HAO2: variants seen among roughly 807,000 people sequenced by gnomAD.
HAO2 encodes the protein 2-Hydroxyacid oxidase 2.
HAO2 carries 42 observed loss-of-function variants against 37.4 expected under a neutral mutation model. The ratio of observed to expected loss-of-function variants is 1.12; its 90% CI spans 0.88 to 1.45. The LOEUF (loss-of-function observed/expected upper bound fraction) is 1.45, where lower values mean the gene tolerates loss of function less well. Among genes scored for constraint, HAO2 ranks in the 40% most tolerant of loss-of-function variants. HAO2 has a pLI of 0.00. For synonymous variants in HAO2, 180 were observed against 162.8 expected (o/e 1.11, Z -0.81); for missense variants, 476 against 430.2 (o/e 1.11, Z -0.94).
intron 5 of HAO2, among the ~76,000 whole-genome samples, chr1:119,388,113 T>C (rs587640123): frequency 6.6e-6 from 1 of 152,256 alleles, no homozygotes; most frequent in South Asian, 2.1e-4. Flanking sequence ...GAGAAAGTGG[T>C]TGGGCTGAGC....
chr1:119,381,279 C>T, intron 2 of HAO2, 63 bp downstream of exon 2: 1 of 1,155,896 alleles, frequency 8.7e-7, no homozygotes, highest in Non-Finnish European at 1.3e-6. Flanking sequence ...GCAACTTGGA[C>T]AGTAGTAGTC....
chr1:119,382,550 T>C (rs1184418288), intron 2 of HAO2, among the ~76,000 whole-genome samples: 1 of 152,178 alleles, frequency 6.6e-6, no homozygotes, highest in Non-Finnish European at 1.5e-5. Flanking sequence ...CCTATTCTTT[T>C]CTTTTTAGTC....
intron 1 of HAO2, among the ~76,000 whole-genome samples, chr1:119,369,536 T>C (rs1648794646): frequency 2.0e-5 from 3 of 152,136 alleles, no homozygotes; most frequent in African/African-American, 7.2e-5. Flanking sequence ...GAATAAAGCG[T>C]CCATTAGCAG....
At chr1:119,376,127 TACC>T (rs1336592531) in intron 1 of HAO2, among the ~76,000 whole-genome samples, 13 of 152,184 alleles carry the variant, frequency 8.5e-5, no homozygotes, top group African/African-American at 2.9e-4. Context: ...AAGTCCCTTC[TACC>T]TATGAGCCTG....
intron 1 of HAO2, among the ~76,000 whole-genome samples, chr1:119,373,053 C>G (rs587656796): frequency 6.6e-6 from 1 of 152,132 alleles, no homozygotes; most frequent in Non-Finnish European, 1.5e-5. Flanking sequence ...AGACTTGGAG[C>G]GAAGACATGT....
chr1:119,380,499 C>A, intron 1 of HAO2: 1 of 524,604 alleles, frequency 1.9e-6, no homozygotes, highest in Admixed American at 3.6e-5. Flanking sequence ...CTCTGTAATC[C>A]ACAGCTCCAG....
At position 119,380,928 on chromosome 1, in the gene HAO2, T is replaced by C. The variant is rs1649874524; in HGVS notation, c.-8-150T>C. The C allele has an allele frequency of 2.2e-5, 17 of 762,364 alleles. No homozygotes were observed. In the South Asian group the frequency reaches 2.9e-4, roughly 13 times the overall value. The allele number at this position is 762,364 out of a possible 1,614,324, so 47.2% of individuals were successfully genotyped here. ...CTCTGACTTCTGGCTTAGGGATCAC[T>C]GGCTTTAGCAATAACTCTGTTAAGA... On this transcript the variant is annotated intron_variant, in intron 1 of 7. Coordinates refer to ENST00000325945, the MANE Select transcript of HAO2 (RefSeq NM_016527.4).
chr1:119,384,488 C>T (rs1650217365), intron 3 of HAO2, among the ~76,000 whole-genome samples: 1 of 152,180 alleles, frequency 6.6e-6, no homozygotes, highest in Non-Finnish European at 1.5e-5. Context: ...AAGGCTATAA[C>T]ACAACCAACA....
intron 5 of HAO2, among the ~76,000 whole-genome samples, chr1:119,389,168 A>ATATATATATAT: frequency 1.0e-5 from 1 of 98,416 alleles, no homozygotes; most frequent in East Asian, 2.7e-4. Context: ...ATATATATAT[A>ATATATATATAT]CACCACAGTT....
intron 1 of HAO2, among the ~76,000 whole-genome samples, chr1:119,371,966 T>C (rs1557840005): frequency 6.6e-6 from 1 of 152,208 alleles, no homozygotes; most frequent in Non-Finnish European, 1.5e-5. Context: ...TAAACTATGT[T>C]CAACGCTCTA....
rs1380873820 is a variant in HAO2, at chr1:119,385,009, T to C, written c.517T>C (p.Leu173=). The C allele has an allele frequency of 1.9e-6, 3 of 1,613,820 alleles. No individual in the cohort carries two copies. The highest frequency in any genetic ancestry group is 2.2e-5 in the South Asian group (2 of 91,052). ...GNRRHDIRNQ[L]RRNLTLTDLQ... ...CAGGCGACATGACATTCGAAACCAGTTGAGGAGGAACTTAACACTAACAGA... is the reference window on the plus strand; with the variant it reads ...CAGGCGACATGACATTCGAAACCAGCTGAGGAGGAACTTAACACTAACAGA... The change falls in exon 4 of 8, where the codon TTG becomes CTG. Residue 173 remains leucine, a synonymous_variant. Coordinates refer to ENST00000325945, the MANE Select transcript of HAO2 (RefSeq NM_016527.4).
chr1:119,391,612 G>A (rs1650909224), intron 5 of HAO2, among the ~76,000 whole-genome samples: 1 of 152,162 alleles, frequency 6.6e-6, no homozygotes, highest in Non-Finnish European at 1.5e-5. Context: ...TGGTGCATGA[G>A]AAATAATGTT....
chr1:119,391,996 G>T, intron 5 of HAO2, 114 bp from the exon 6 acceptor site: 1 of 864,196 alleles, frequency 1.2e-6, no homozygotes. Flanking sequence ...CATGGGAGGG[G>T]AAGAAATTGT....
intron 7 of HAO2, among the ~76,000 whole-genome samples, 186 bp from the exon 8 acceptor site, chr1:119,393,599 G>A (rs936577598): frequency 6.6e-6 from 1 of 152,042 alleles, no homozygotes; most frequent in Non-Finnish European, 1.5e-5. Flanking sequence ...GATGACCTGG[G>A]CTCAGGTTCA....
At chr1:119,389,445 A>T (rs1459149602) in intron 5 of HAO2, among the ~76,000 whole-genome samples, 1 of 151,480 alleles carries the variant, frequency 6.6e-6, no homozygotes, top group Non-Finnish European at 1.5e-5. Flanking sequence ...CACTGCATCC[A>T]CATGAACATC....
At chr1:119,378,954 G>C (rs1244489593) in intron 1 of HAO2, among the ~76,000 whole-genome samples, 31 of 152,168 alleles carry the variant, frequency 2.0e-4, no homozygotes, top group Admixed American at 2.0e-3. Flanking sequence ...AGTGTGTTGG[G>C]GGTCCCAGGT....
intron 1 of HAO2, 82 bp from the exon 2 acceptor site, chr1:119,380,996 A>G: frequency 1.7e-6 from 2 of 1,173,774 alleles, no homozygotes; most frequent in South Asian, 2.6e-5. Flanking sequence ...ACAATTTCAT[A>G]CTGCAGCTTC....
At chr1:119,384,348 T>A (rs1650206738) in intron 3 of HAO2, among the ~76,000 whole-genome samples, 1 of 152,162 alleles carries the variant, frequency 6.6e-6, no homozygotes, top group Non-Finnish European at 1.5e-5. Flanking sequence ...TTCTTCTAAT[T>A]TCATATGCTA....
Position 119,392,260 on chromosome 1 carries a change from G to C in HAO2, c.922G>C (p.Ala308Pro). 2.5e-6 allele frequency: 4 copies of C among 1,610,354 alleles called. No individual in the cohort carries two copies. Among genetic ancestry groups the C allele is most frequent in the Non-Finnish European group, 3.4e-6 (4 of 1,178,322 alleles). ...FLGRPILWGL[A>P]CKGEHGVKEV... ...TGGGAGACCAATCCTATGGGGCCTT[G>C]CCTGCAAGGTGAGAGTGGCAAAGCA... Residue 308 changes from alanine to proline, a missense_variant, in exon 6 of 8, where the codon GCC (alanine) becomes CCC (proline). Ala to Pro is a conservative substitution (Grantham distance 27). Transcript: ENST00000325945.
Sources: allele counts gnomAD v4.1 joint callset (sites outside exome capture counted in the v4.1 genomes callset), GRCh38; gene constraint gnomAD v4.1.1; transcripts MANE v1.5; gene names NCBI Gene and HGNC (gene_info 2026-07-23, HGNC 2026-07-21).